CKAP5: variants seen among roughly 807,000 people sequenced by gnomAD.
CKAP5 encodes cytoskeleton-associated protein 5.
CKAP5 carries 27 observed loss-of-function variants against 232.8 expected under a neutral mutation model. The ratio of observed to expected loss-of-function variants is 0.12; its 90% CI spans 0.09 to 0.16. The LOEUF is 0.16. CKAP5 is among the 10% of genes least tolerant of loss of function. The pLI is 1.00. For missense variants in CKAP5, 1,838 were observed against 2,424.7 expected (o/e 0.76, Z 5.08); for synonymous variants, 785 against 841.1 (o/e 0.93, Z 1.16).
intron 9 of CKAP5, 100 bp downstream of exon 9, chr11:46,801,100 C>T (rs184904640): frequency 1.4e-4 from 105 of 752,782 alleles, no homozygotes; most frequent in East Asian, 9.6e-4. Flanking sequence ...ACAGTATATA[C>T]ACATCTATGC....
At chr11:46,792,450 G>A (rs1354422886) in intron 13 of CKAP5, among the ~76,000 whole-genome samples, 1 of 152,128 alleles carries the variant, frequency 6.6e-6, no homozygotes, top group Non-Finnish European at 1.5e-5. Context: ...CTACTCGGGA[G>A]GCTGAGGCAG....
chr11:46,831,883 G>C (rs1466487978), intron 1 of CKAP5, among the ~76,000 whole-genome samples: 2 of 68,306 alleles, frequency 2.9e-5, no homozygotes, highest in Non-Finnish European at 5.8e-5. Flanking sequence ...TTTTTTTTCT[G>C]AGACAGGGTC....
intron 40 of CKAP5, 151 bp downstream of exon 40, chr11:46,750,967 G>C (rs559601496): frequency 1.1e-6 from 1 of 885,220 alleles, no homozygotes; most frequent in African/African-American, 1.7e-5. Flanking sequence ...AGGTGGAAAT[G>C]GTTACTGCAC....
At position 46,746,556 on chromosome 11, in the gene CKAP5, A is replaced by G. The variant is rs148456322; in HGVS notation, c.5705-1979T>C. On this transcript the variant is annotated intron_variant, in intron 42 of 43. Transcript: ENST00000529230. ...ACAGCATGTTACTGTACTGAATACT[A>G]TAGGCAATGTTAACACAAAGTATTT... 2.8e-3 allele frequency among the ~76,000 whole-genome samples: 422 copies of G among 152,304 alleles called. 2 individuals carry two copies. Among genetic ancestry groups the G allele is most frequent in the African/African-American group, 9.6e-3 (399 of 41,562 alleles).
At chr11:46,807,915 T>C in intron 8 of CKAP5, 116 bp downstream of exon 8, 1 of 637,428 alleles carries the variant, frequency 1.6e-6, no homozygotes, top group African/African-American at 1.8e-5. Flanking sequence ...GTAATTCAAA[T>C]ACCATCAGTA....
rs542486829 is a variant in CKAP5, at chr11:46,814,063, C to T, written c.458+2135G>A. 1.8e-4 allele frequency among the ~76,000 whole-genome samples: 23 copies of T among 130,730 alleles called. 1 individual carries two copies. In the East Asian group the frequency reaches 3.5e-3, roughly 20 times the overall value. 85.8% of individuals were successfully genotyped at this position (130,730 alleles called of 152,430 possible). On this transcript the variant is annotated intron_variant, in intron 4 of 43. Transcript: ENST00000529230. ...CATGAGAATCGCTTGAACCCAGGGGCGGAGGTTGCAGTGAGCTGAGATCGT... is the reference window on the plus strand; with the variant it reads ...CATGAGAATCGCTTGAACCCAGGGGTGGAGGTTGCAGTGAGCTGAGATCGT...
intron 29 of CKAP5, 105 bp downstream of exon 29, chr11:46,763,375 AC>A: frequency 3.7e-6 from 4 of 1,095,130 alleles, no homozygotes; most frequent in Non-Finnish European, 3.9e-6. Context: ...AAAATAGAGA[AC>A]ATAGTATATT....
At chr11:46,780,554 A>C in intron 18 of CKAP5, 69 bp from the exon 19 acceptor site, 1 of 1,334,378 alleles carries the variant, frequency 7.5e-7, no homozygotes, top group Non-Finnish European at 1.1e-6. Flanking sequence ...CGTTTTATAA[A>C]GCCAGACTCT....
At position 46,770,775 on chromosome 11, in the gene CKAP5, C is replaced by G. The variant is rs569146518; in HGVS notation, c.3186+13G>C. 6.2e-7 allele frequency: 1 copy of G among 1,609,638 alleles called. No homozygotes were observed. Among genetic ancestry groups the G allele is most frequent in the Non-Finnish European group, 8.5e-7 (1 of 1,177,366 alleles). Reference sequence around the variant, plus strand: ...TAGCTTTTAACAGCAGTAGCAGCAACAAGAAGTAGTACCTTTAGTTTCCCA... The same window carrying G: ...TAGCTTTTAACAGCAGTAGCAGCAAGAAGAAGTAGTACCTTTAGTTTCCCA... On this transcript the variant is annotated intron_variant, in intron 25 of 43. Transcript: ENST00000529230.
intron 12 of CKAP5, 55 bp from the exon 13 acceptor site, chr11:46,795,831 C>T: frequency 7.0e-7 from 1 of 1,422,396 alleles, no homozygotes; most frequent in East Asian, 2.3e-5. Flanking sequence ...AACACAACCA[C>T]TACGTTATTA....
At chr11:46,814,131 CAAAAAAAAAAAAAAA>C (rs60142188) in intron 4 of CKAP5, among the ~76,000 whole-genome samples, 1 of 81,266 alleles carries the variant, frequency 1.2e-5, no homozygotes, top group Non-Finnish European at 2.3e-5. Context: ...GACCTTGTCT[CAAAAAAAAAAAAAAA>C]AAAAAAAAAA....
intron 28 of CKAP5, 66 bp downstream of exon 28, chr11:46,765,065 C>T: frequency 2.0e-6 from 3 of 1,469,060 alleles, no homozygotes; most frequent in Non-Finnish European, 2.8e-6. Context: ...TGAATTCAGA[C>T]AGCAAAACTA....
At chr11:46,776,976 C>T (rs1301653994) in intron 23 of CKAP5, among the ~76,000 whole-genome samples, 3 of 152,146 alleles carry the variant, frequency 2.0e-5, no homozygotes, top group African/African-American at 7.2e-5. Flanking sequence ...AAATATCTTG[C>T]TGAACTACTA....
intron 1 of CKAP5, among the ~76,000 whole-genome samples, chr11:46,839,270 G>C (rs1939994322): frequency 1.3e-5 from 2 of 152,170 alleles, no homozygotes; most frequent in Admixed American, 6.5e-5. Flanking sequence ...TAGGGGTAGA[G>C]TGAAGTGAGA....
At chr11:46,778,710 C>A in intron 20 of CKAP5, 111 bp from the exon 21 acceptor site, 1 of 821,396 alleles carries the variant, frequency 1.2e-6, no homozygotes, top group Non-Finnish European at 2.0e-6. Flanking sequence ...TACCTATTTA[C>A]ACAGTAGGTA....
chr11:46,841,997 C>T (rs1019312766), intron 1 of CKAP5, among the ~76,000 whole-genome samples: 2 of 109,414 alleles, frequency 1.8e-5, no homozygotes, highest in South Asian at 3.0e-4. Context: ...GACTTTGGTT[C>T]AAAAAAAAAA....
At position 46,756,560 on chromosome 11, in the gene CKAP5, C is replaced by T. The variant is rs183257894; in HGVS notation, c.4690-1493G>A. On this transcript the variant is annotated intron_variant, in intron 35 of 43. Transcript: ENST00000529230. ...TTCATAAGTACAATAAAACCATCAA[C>T]ATCAAGAAATTAACATTGATGTTAC... 2.8e-3 allele frequency among the ~76,000 whole-genome samples: 421 copies of T among 152,270 alleles called. 2 individuals carry two copies. Among genetic ancestry groups the T allele is most frequent in the African/African-American group, 9.6e-3 (399 of 41,566 alleles).
chr11:46,778,987 G>A (rs2065315473), intron 20 of CKAP5, among the ~76,000 whole-genome samples: 2 of 152,120 alleles, frequency 1.3e-5, no homozygotes, highest in Non-Finnish European at 2.9e-5. Context: ...GGCTGAGGCA[G>A]GAGAATTGCT....
chr11:46,761,673 C>A (rs1449499085), intron 32 of CKAP5, among the ~76,000 whole-genome samples: 2 of 152,200 alleles, frequency 1.3e-5, no homozygotes, highest in Non-Finnish European at 2.9e-5. Flanking sequence ...TAACCAAAAA[C>A]TCGATGCAGT....
Sources: allele counts gnomAD v4.1 joint callset (sites outside exome capture counted in the v4.1 genomes callset), GRCh38; gene constraint gnomAD v4.1.1; transcripts MANE v1.5; gene names NCBI Gene and HGNC (gene_info 2026-07-23, HGNC 2026-07-21).